DPP6: variants seen among roughly 807,000 people sequenced by gnomAD.
DPP6 encodes A-type potassium channel modulatory protein DPP6.
DPP6 carries 69 observed loss-of-function variants against 122.6 expected under a neutral mutation model. The observed-to-expected ratio is 0.56, with a 90% CI of 0.46 to 0.69. The LOEUF (loss-of-function observed/expected upper bound fraction) is 0.69. DPP6 is among the 30% of genes least tolerant of loss of function. The probability of loss-of-function intolerance (pLI) is 0.00; values close to 1 mark genes in which losing one functional copy is unlikely to be tolerated. For synonymous variants in DPP6, 418 were observed against 433.1 expected, an observed-to-expected ratio of 0.97 and a Z score of 0.43; for missense variants, 928 against 1,116.9, an observed-to-expected ratio of 0.83 and a Z score of 2.41.
chr7:154,333,368 A>G (rs1305086573), intron 1 of DPP6, among the ~76,000 whole-genome samples: 1 of 152,188 alleles, frequency 6.6e-6, no homozygotes, highest in Non-Finnish European at 1.5e-5. Context: ...TCCCAATTTT[A>G]GAAGCTCTAG....
intron 1 of DPP6, among the ~76,000 whole-genome samples, chr7:153,927,857 G>A (rs1259392766): frequency 1.3e-5 from 2 of 152,110 alleles, no homozygotes; most frequent in South Asian, 4.2e-4. Flanking sequence ...TTCCTTTGGT[G>A]TTCATCAGTA....
the DPP6 span, among the ~76,000 whole-genome samples, chr7:153,871,029 A>T: frequency 6.6e-6 from 1 of 152,130 alleles, no homozygotes; most frequent in Non-Finnish European, 1.5e-5. Context: ...TCAGAGGAGT[A>T]CCCGGCCGTG....
At chr7:154,190,294 A>G (rs1051196524) in intron 1 of DPP6, among the ~76,000 whole-genome samples, 2 of 152,208 alleles carry the variant, frequency 1.3e-5, no homozygotes, top group Admixed American at 6.5e-5. Flanking sequence ...TGATCATTGC[A>G]TCTTTCCCTA....
chr7:153,791,345 T>G, the DPP6 span, among the ~76,000 whole-genome samples: 1 of 152,034 alleles, frequency 6.6e-6, no homozygotes, highest in Non-Finnish European at 1.5e-5. Flanking sequence ...TCCATACCTA[T>G]TCACATCTCC....
chr7:154,449,111 C>T (rs1413272675), intron 2 of DPP6, among the ~76,000 whole-genome samples: 1 of 151,596 alleles, frequency 6.6e-6, no homozygotes, highest in Non-Finnish European at 1.5e-5. Context: ...ATCAAAAACA[C>T]TATCAAGAAA....
At chr7:154,010,309 G>A (rs2861462) in intron 1 of DPP6, among the ~76,000 whole-genome samples, 1 of 152,206 alleles carries the variant, frequency 6.6e-6, no homozygotes, top group African/African-American at 2.4e-5. Context: ...TATCAGGAAG[G>A]CATCTTATAG....
the DPP6 span, among the ~76,000 whole-genome samples, chr7:153,827,603 C>T: frequency 2.0e-5 from 3 of 152,144 alleles, no homozygotes; most frequent in Non-Finnish European, 4.4e-5. Flanking sequence ...AAGAAATGCT[C>T]ATCTCTTGCC....
intron 1 of DPP6, among the ~76,000 whole-genome samples, chr7:154,374,321 G>A (rs565665458): frequency 1.3e-5 from 2 of 152,334 alleles, no homozygotes; most frequent in East Asian, 1.9e-4. Context: ...TAGCAAGGGG[G>A]AGAGGTCAGC....
At chr7:154,173,366 A>G (rs972729724) in intron 1 of DPP6, among the ~76,000 whole-genome samples, 1 of 152,210 alleles carries the variant, frequency 6.6e-6, no homozygotes, top group African/African-American at 2.4e-5. Context: ...GACGTAAAGG[A>G]AACAGTTTCG....
intron 7 of DPP6, among the ~76,000 whole-genome samples, chr7:154,677,993 C>T (rs1211720028): frequency 6.6e-6 from 1 of 152,178 alleles, no homozygotes; most frequent in African/African-American, 2.4e-5. Flanking sequence ...GGTTTGTAAA[C>T]GCAGGGATCA....
intron 3 of DPP6, among the ~76,000 whole-genome samples, chr7:154,515,429 C>T (rs991469481): frequency 6.6e-6 from 1 of 152,162 alleles, no homozygotes; most frequent in Non-Finnish European, 1.5e-5. Flanking sequence ...AGATTCCTGA[C>T]ATTGGGCATT....
At chr7:154,596,045 G>A (rs7792312) in intron 5 of DPP6, among the ~76,000 whole-genome samples, 54,689 of 151,984 alleles carry the variant, frequency 0.36, 10,855 homozygotes, top group Non-Finnish European at 0.46. Flanking sequence ...GGGTGACAGA[G>A]CGAGACGCCA....
intron 1 of DPP6, among the ~76,000 whole-genome samples, chr7:154,422,820 C>T (rs889629580): frequency 2.0e-5 from 3 of 152,090 alleles, no homozygotes; most frequent in African/African-American, 7.2e-5. Context: ...CATAGAGTAT[C>T]GGCCAGGCAA....
chr7:154,631,540 T>C (rs903254000), intron 5 of DPP6, among the ~76,000 whole-genome samples: 2 of 152,100 alleles, frequency 1.3e-5, no homozygotes, highest in Non-Finnish European at 2.9e-5. Flanking sequence ...CAGTGTCTCA[T>C]GCCTGTAATC....
chr7:154,627,493 C>T (rs998911341), intron 5 of DPP6, among the ~76,000 whole-genome samples: 3 of 151,924 alleles, frequency 2.0e-5, no homozygotes, highest in Non-Finnish European at 2.9e-5. Flanking sequence ...CCACCACGCC[C>T]GGCCTTTTTT....
At position 154,036,144 on chromosome 7, in the gene DPP6, C is replaced by G. The variant is rs372047444; in HGVS notation, c.51+148410C>G. Among the ~76,000 whole-genome samples, 159 of 151,936 alleles carry G rather than the reference C, an allele frequency of 1.0e-3. 6 individuals carry two copies. Among genetic ancestry groups the G allele is most frequent in the African/African-American group, 3.6e-3 (150 of 41,240 alleles). On this transcript the variant is annotated intron_variant, in intron 1 of 25. Coordinates refer to the DPP6 transcript ENST00000404039. ...TTTTTTTTTGAGATCAAGCCTCACT[C>G]TGTTACCCAGGCTGGAGTACAGTGG...
chr7:154,375,328 A>T (rs1813038995), intron 1 of DPP6, among the ~76,000 whole-genome samples: 1 of 151,850 alleles, frequency 6.6e-6, no homozygotes, highest in African/African-American at 2.4e-5. Flanking sequence ...TGGCGAGGGG[A>T]TGTTGGCCCG....
At chr7:154,547,531 C>T (rs1363300893) in intron 4 of DPP6, among the ~76,000 whole-genome samples, 1 of 152,218 alleles carries the variant, frequency 6.6e-6, no homozygotes, top group Non-Finnish European at 1.5e-5. Context: ...CCCACATTTG[C>T]TGACTTCTAA....
rs147656028 is a variant in DPP6, at chr7:154,857,778, G to A, written c.1714+3951G>A. 7.0e-4 allele frequency among the ~76,000 whole-genome samples: 106 copies of A among 152,274 alleles called. 1 individual carries two copies. Among genetic ancestry groups the A allele is most frequent in the African/African-American group, 2.5e-3 (104 of 41,548 alleles). ...AAGGGTCCACAGCATGTGGTTTGCG[G>A]GGGGATGTGCATATCAGGCAGCCGA... On this transcript the variant is annotated intron_variant, in intron 17 of 25. Transcript: ENST00000377770.
Sources: gnomAD v4.1 joint callset for allele counts (sites outside exome capture counted in the v4.1 genomes callset) on GRCh38, gnomAD v4.1.1 for gene constraint, MANE v1.5 for transcripts, NCBI Gene and HGNC (gene_info 2026-07-23, HGNC 2026-07-21) for gene names.